NCOA2: variants seen among roughly 807,000 people sequenced by gnomAD.
NCOA2 encodes nuclear receptor coactivator 2.
Under a neutral mutation model 145.1 loss-of-function variants are expected in NCOA2, and 21 were observed. The ratio of observed to expected loss-of-function variants is 0.14; its 90% CI spans 0.10 to 0.21. NCOA2 has a LOEUF of 0.21. Ranked by LOEUF, NCOA2 falls within the 10% of genes least tolerant of loss-of-function variation. The pLI is 1.00. For missense variants in NCOA2, 1,472 were observed against 1,837.6 expected (o/e 0.80, Z 3.64); for synonymous variants, 619 against 637.5 (o/e 0.97, Z 0.44).
chr8:70,216,889 T>G, intron 2 of NCOA2, 125 bp from the exon 3 acceptor site: 1 of 467,156 alleles, frequency 2.1e-6, no homozygotes, highest in Non-Finnish European at 3.9e-6. Context: ...GTAATTAACA[T>G]TGTTTTATGT....
At chr8:70,218,202 T>G (rs1292766740) in intron 2 of NCOA2, among the ~76,000 whole-genome samples, 5 of 150,084 alleles carry the variant, frequency 3.3e-5, no homozygotes, top group Non-Finnish European at 7.4e-5. Context: ...GGAGTTAGTT[T>G]TTTTTTTTTT....
At chr8:70,428,495 A>C in the NCOA2 span, among the ~76,000 whole-genome samples, 9 of 151,970 alleles carry the variant, frequency 5.9e-5, no homozygotes, top group East Asian at 1.7e-3. Context: ...ATGGTTGTAC[A>C]TGCCTGTTGT....
chr8:70,276,129 C>T (rs1323661989), intron 2 of NCOA2, among the ~76,000 whole-genome samples: 2 of 151,962 alleles, frequency 1.3e-5, no homozygotes, highest in Non-Finnish European at 2.9e-5. Flanking sequence ...CAATTTCTTC[C>T]TCCAAGATAA....
intron 1 of NCOA2, among the ~76,000 whole-genome samples, chr8:70,333,198 T>C (rs1258495979): frequency 6.6e-6 from 1 of 152,210 alleles, no homozygotes; most frequent in African/African-American, 2.4e-5. Context: ...TTGCAGGGCA[T>C]GTTCAAAGAC....
chr8:70,392,691 A>AAATT lies in NCOA2; in HGVS notation c.-77+11008_-77+11009insAATT, dbSNP rs1243065910. ...TGGTTTTGTTTTATTACCTTTTCAG[A>AAATT]ACTACTGAATTTCCCCAAGGTTTTC... On this transcript the variant is annotated intron_variant, in intron 1 of 22. Coordinates refer to ENST00000452400, the MANE Select transcript of NCOA2 (RefSeq NM_006540.4). Among the ~76,000 whole-genome samples the AAATT allele has an allele frequency of 7.2e-5, 11 of 152,282 alleles. 1 individual carries two copies. The highest frequency in any genetic ancestry group is 3.4e-3 in the Middle Eastern group (1 of 294).
chr8:70,238,349 G>C (rs1023801881), intron 2 of NCOA2, among the ~76,000 whole-genome samples: 1 of 152,100 alleles, frequency 6.6e-6, no homozygotes, highest in South Asian at 2.1e-4. Context: ...AATGTATTAT[G>C]CATGACATTA....
At chr8:70,336,213 C>A (rs894363352) in intron 1 of NCOA2, among the ~76,000 whole-genome samples, 1 of 152,126 alleles carries the variant, frequency 6.6e-6, no homozygotes, top group Admixed American at 6.5e-5. Flanking sequence ...CTAAGACATA[C>A]TGATGGCTAT....
upstream of NCOA2, among the ~76,000 whole-genome samples, chr8:70,405,355 G>A (rs779430347): frequency 4.0e-5 from 6 of 150,408 alleles, no homozygotes; most frequent in Non-Finnish European, 8.8e-5. Flanking sequence ...TGGGTGATGA[G>A]GCACTTCCAC....
chr8:70,114,257 C>G (rs544110843), intron 22 of NCOA2, among the ~76,000 whole-genome samples: 1 of 152,220 alleles, frequency 6.6e-6, no homozygotes, highest in African/African-American at 2.4e-5. Flanking sequence ...AACTCCTGAC[C>G]TCAAGTGATC....
At chr8:70,415,939 T>C in the NCOA2 span, among the ~76,000 whole-genome samples, 9 of 152,222 alleles carry the variant, frequency 5.9e-5, no homozygotes, top group African/African-American at 1.4e-4. Flanking sequence ...ATGATATTAC[T>C]ACGATTGCAA....
At chr8:70,420,504 G>A in the NCOA2 span, among the ~76,000 whole-genome samples, 1 of 152,132 alleles carries the variant, frequency 6.6e-6, no homozygotes, top group East Asian at 1.9e-4. Context: ...TGTTCTAAGG[G>A]GCATGAAAAT....
Position 70,160,146 on chromosome 8 carries a change from T to G in NCOA2, c.977-494A>C, listed in dbSNP as rs540633707. ...CATCTAGAAATTACGTACTGTTCAA[T>G]CCATCATCTCACACACTACTCTCCC... is the stretch of plus-strand genomic sequence containing the variant. On this transcript the variant is annotated intron_variant, in intron 9 of 22. Transcript: ENST00000452400. Among the ~76,000 whole-genome samples, 12 of 152,310 alleles carry G rather than the reference T, an allele frequency of 7.9e-5. No homozygotes were observed. In the East Asian group the frequency reaches 1.7e-3, roughly 22 times the overall value.
intron 1 of NCOA2, among the ~76,000 whole-genome samples, chr8:70,361,676 G>A (rs1001248428): frequency 1.3e-5 from 2 of 152,136 alleles, no homozygotes; most frequent in Admixed American, 1.3e-4. Context: ...TACTTTTACA[G>A]AACGTAGAAC....
rs572205713 is a variant in NCOA2 at position 70,111,582 on chromosome 8, C to T, written c.*2050G>A. The T allele has an allele frequency of 1.5e-4, 33 of 216,878 alleles. No homozygotes were observed. The East Asian group carries it at 2.2e-3, about 14-fold the overall frequency. The allele number at this position is 216,878 out of a possible 1,614,324, so 13.4% of individuals were successfully genotyped here. A position where few individuals can be genotyped will look rare whatever the true frequency, so the allele number is the denominator to read the frequency against. ...CTGAGAAGTGTTGTTCCTTGGCCACCTCCCTGTATTGAGACCCCTCTCAAG... is the reference window on the plus strand; with the variant it reads ...CTGAGAAGTGTTGTTCCTTGGCCACTTCCCTGTATTGAGACCCCTCTCAAG... On this transcript the variant is annotated 3_prime_UTR_variant, in exon 23 of 23. Coordinates refer to ENST00000452400, the MANE Select transcript of NCOA2 (RefSeq NM_006540.4).
intron 1 of NCOA2, among the ~76,000 whole-genome samples, chr8:70,347,466 C>G (rs1808784031): frequency 6.7e-6 from 1 of 149,546 alleles, no homozygotes; most frequent in Non-Finnish European, 1.5e-5. Context: ...GCCTGGACGA[C>G]AGAGCAAGAC....
chr8:70,117,662 G>A (rs908576847), intron 22 of NCOA2, among the ~76,000 whole-genome samples: 4 of 152,196 alleles, frequency 2.6e-5, no homozygotes, highest in Non-Finnish European at 5.9e-5. Context: ...TCCCTTTAGG[G>A]AAGTGGCAGG....
the NCOA2 span, among the ~76,000 whole-genome samples, chr8:70,445,876 G>T: frequency 1.3e-5 from 2 of 152,118 alleles, no homozygotes; most frequent in Non-Finnish European, 2.9e-5. Flanking sequence ...ACACTGCTGC[G>T]CAATCAGCAC....
At position 70,144,799 on chromosome 8, in the gene NCOA2, C is replaced by A. The variant is rs757662312; in HGVS notation, c.2655G>T (p.Gln885His). 1 of 1,613,936 alleles carries A rather than the reference C, an allele frequency of 6.2e-7. No homozygotes were observed. The highest frequency in any genetic ancestry group is 1.7e-5 in the Admixed American group (1 of 60,022). ...GCAATGTGATGTCAAGTGGTAAATT[C>A]TGGTTTGGCAATAACCTGCCCAGTT... Reference protein sequence around the residue: ...PGQLGRLLPNQNLPLDITLQS... With the variant: ...PGQLGRLLPNHNLPLDITLQS... Residue 885 changes from glutamine (Q) to histidine (H), a missense_variant, in exon 13 of 23, where the codon CAG becomes CAT. Transcript: ENST00000452400.
At chr8:70,298,288 C>G (rs2135779057) in intron 1 of NCOA2, among the ~76,000 whole-genome samples, 1 of 152,206 alleles carries the variant, frequency 6.6e-6, no homozygotes, top group South Asian at 2.1e-4. Context: ...TCTAAAAGGT[C>G]TACAGGGGAG....
Sources: gnomAD v4.1 joint callset for allele counts (sites outside exome capture counted in the v4.1 genomes callset) on GRCh38, gnomAD v4.1.1 for gene constraint, MANE v1.5 for transcripts, NCBI Gene and HGNC (gene_info 2026-07-23, HGNC 2026-07-21) for gene names.